Variants in DAB1 observed in about 807,000 individuals in gnomAD.
DAB1 encodes the protein disabled homolog 1.
Under a neutral mutation model 64.6 loss-of-function variants are expected in DAB1, and 15 were observed. The observed-to-expected ratio is 0.23, with a 90% CI of 0.16 to 0.36. The LOEUF is 0.36. Ranked by LOEUF, DAB1 falls within the 10% of genes least tolerant of loss-of-function variation. The pLI is 1.00. For missense variants in DAB1, 596 were observed against 706.7 expected (o/e 0.84, Z 1.78); for synonymous variants, 235 against 251.9 (o/e 0.93, Z 0.64).
intron 1 of DAB1, among the ~76,000 whole-genome samples, chr1:57,837,198 T>A (rs983844940): frequency 6.6e-6 from 1 of 152,236 alleles, no homozygotes; most frequent in African/African-American, 2.4e-5. Flanking sequence ...GTAACCAGAA[T>A]GATCTTTTTA....
intron 3 of DAB1, among the ~76,000 whole-genome samples, chr1:57,142,872 G>A (rs990868074): frequency 2.6e-5 from 4 of 152,144 alleles, no homozygotes; most frequent in Non-Finnish European, 5.9e-5. Context: ...GGCTCTGGAT[G>A]AGAACCAGAT....
chr1:57,634,240 A>T (rs1374508669), intron 7 of DAB1, among the ~76,000 whole-genome samples: 1 of 152,232 alleles, frequency 6.6e-6, no homozygotes, highest in African/African-American at 2.4e-5. Context: ...TTAGCATAGT[A>T]CCTGGCACAC....
At chr1:58,307,621 G>C (rs1467007714) in intron 4 of DAB1, among the ~76,000 whole-genome samples, 3 of 152,140 alleles carry the variant, frequency 2.0e-5, no homozygotes, top group Non-Finnish European at 2.9e-5. Context: ...TGTAGTCCCT[G>C]TCTCAGGCCA....
chr1:58,525,606 G>A (rs1646336916), intron 2 of DAB1, among the ~76,000 whole-genome samples: 1 of 151,998 alleles, frequency 6.6e-6, no homozygotes, highest in Admixed American at 6.6e-5. Context: ...TTATGGATGG[G>A]AAGAATCAAT....
chr1:57,746,898 A>G (rs1262518857), intron 6 of DAB1, among the ~76,000 whole-genome samples: 2 of 151,924 alleles, frequency 1.3e-5, no homozygotes, highest in Non-Finnish European at 2.9e-5. Flanking sequence ...TACTGATTTA[A>G]TGTTTCTCTG....
chr1:57,149,222 C>T (rs182644822), intron 2 of DAB1, among the ~76,000 whole-genome samples: 1 of 152,240 alleles, frequency 6.6e-6, no homozygotes, highest in East Asian at 1.9e-4. Context: ...GGTTATACCA[C>T]ATTAGCTCAT....
intron 4 of DAB1, among the ~76,000 whole-genome samples, chr1:58,263,424 C>T (rs925611244): frequency 2.0e-5 from 3 of 152,122 alleles, no homozygotes; most frequent in African/African-American, 7.2e-5. Context: ...AGATAATGTC[C>T]TGTTCATCTC....
In DAB1 at chr1:57,421,441, T is replaced by A. The variant is rs544934341; in HGVS notation, c.-137+2489A>T. 1.6e-3 allele frequency among the ~76,000 whole-genome samples: 247 copies of A among 152,310 alleles called. 8 individuals carry two copies. In the South Asian group the frequency reaches 0.05, roughly 31 times the overall value. ...CTAAAAATCATCTTCTAAATCTGCT[T>A]TAGGAAGAGATTTAATTGCCAACTC... On this transcript the variant is annotated intron_variant, in intron 1 of 14. Transcript: ENST00000371236.
intron 4 of DAB1, among the ~76,000 whole-genome samples, chr1:58,290,380 G>A (rs1327949431): frequency 2.0e-5 from 3 of 152,116 alleles, no homozygotes; most frequent in East Asian, 1.9e-4. Context: ...TGAACAGTAT[G>A]AGCAAGTCAT....
chr1:58,058,174 A>G (rs555515391), intron 5 of DAB1, among the ~76,000 whole-genome samples: 2 of 152,118 alleles, frequency 1.3e-5, no homozygotes, highest in Admixed American at 1.3e-4. Context: ...GTTAATGCTG[A>G]CTAGTACTCA....
chr1:57,315,875 C>G (rs948409698), intron 1 of DAB1, among the ~76,000 whole-genome samples: 1 of 152,178 alleles, frequency 6.6e-6, no homozygotes, highest in African/African-American at 2.4e-5. Context: ...AGACTATAAA[C>G]TCCTCCCACC....
intron 7 of DAB1, among the ~76,000 whole-genome samples, chr1:57,574,402 T>C (rs1645225906): frequency 6.6e-6 from 1 of 152,204 alleles, no homozygotes; most frequent in Non-Finnish European, 1.5e-5. Context: ...AAGCATTTAT[T>C]GAATTTCCAC....
At chr1:58,213,942 C>G (rs901685405) in intron 4 of DAB1, among the ~76,000 whole-genome samples, 1 of 152,188 alleles carries the variant, frequency 6.6e-6, no homozygotes, top group African/African-American at 2.4e-5. Context: ...ACGTGGATTA[C>G]TCCAAAGGGC....
Position 57,155,300 on chromosome 1 carries a change from T to C in DAB1, c.68-9871A>G, listed in dbSNP as rs538440025. Among the ~76,000 whole-genome samples the C allele has an allele frequency of 3.9e-5, 6 of 152,318 alleles. No homozygotes were observed. In the East Asian group the frequency reaches 1.2e-3, roughly 29 times the overall value. On this transcript the variant is annotated intron_variant, in intron 2 of 14. Transcript: ENST00000371236. ...GAGAGACTTTTTTTTCCCAAGTGTA[T>C]ATTCTTGGTAACTTTGTTGAAAATG...
rs71051263 is a variant in DAB1 at position 57,949,459 on chromosome 1, TTATCTATCTATCTATC to T, written n.388-65313_388-65298del. ...GGAGATGCCTGTGTTAAGCAATTCTTTATCTATCTATCTATCTATCTATCTATCTATCTATCTATCT... is the reference window on the plus strand; with the variant it reads ...GGAGATGCCTGTGTTAAGCAATTCTTTATCTATCTATCTATCTATCTATCT... On this transcript the variant is annotated intron_variant and non_coding_transcript_variant, in intron 5 of 20. Transcript: ENST00000485760. Among the ~76,000 whole-genome samples the T allele has an allele frequency of 9.9e-4, 145 of 146,364 alleles. 2 individuals carry two copies. The highest frequency in any genetic ancestry group is 5.1e-3 in the South Asian group (23 of 4,468).
At chr1:57,796,474 C>G (rs1034720532) in intron 6 of DAB1, among the ~76,000 whole-genome samples, 1 of 151,908 alleles carries the variant, frequency 6.6e-6, no homozygotes, top group Non-Finnish European at 1.5e-5. Context: ...TTCCAGCGAG[C>G]TGAGATCGTG....
intron 1 of DAB1, among the ~76,000 whole-genome samples, chr1:57,398,637 A>G (rs367792925): frequency 0.013 from 1,938 of 152,296 alleles, 50 homozygotes; most frequent in African/African-American, 0.044. Context: ...ATTTTTAAAA[A>G]TGTATTTCTT....
intron 14 of DAB1, among the ~76,000 whole-genome samples, chr1:57,002,398 G>A (rs760609239): frequency 2.6e-5 from 4 of 152,172 alleles, no homozygotes; most frequent in Non-Finnish European, 5.9e-5. Flanking sequence ...GTGTTAGAAA[G>A]AATGTATCAC....
At chr1:58,298,886 T>C (rs1662052156) in intron 4 of DAB1, among the ~76,000 whole-genome samples, 1 of 152,180 alleles carries the variant, frequency 6.6e-6, no homozygotes, top group African/African-American at 2.4e-5. Flanking sequence ...TACTCTACTC[T>C]ATGTAGAAGT....
Sources: gnomAD v4.1 joint callset for allele counts (sites outside exome capture counted in the v4.1 genomes callset) on GRCh38, gnomAD v4.1.1 for gene constraint, MANE v1.5 for transcripts, NCBI Gene and HGNC (gene_info 2026-07-23, HGNC 2026-07-21) for gene names.